ZNF587B: variants seen among roughly 807,000 people sequenced by gnomAD.
ZNF587B encodes zinc finger protein 587B.
Under a neutral mutation model 7.2 loss-of-function variants are expected in ZNF587B, and 6 were observed. The observed-to-expected ratio is 0.83, with a 90% CI of 0.46 to 1.65. The LOEUF is 1.65. Among genes scored for constraint, ZNF587B ranks in the 40% most tolerant of loss-of-function variants. ZNF587B has a pLI of 0.01. For synonymous variants in ZNF587B, 274 were observed against 254.3 expected (o/e 1.08, Z -0.74); for missense variants, 749 against 761.0 (o/e 0.98, Z 0.19).
At position 57,840,983 on chromosome 19, in the gene ZNF587B, C is replaced by A; in HGVS notation, c.309C>A (p.Asp103Glu). 6.3e-7 allele frequency: 1 copy of A among 1,598,316 alleles called. No homozygotes were observed. The highest frequency in any genetic ancestry group is 8.5e-7 in the Non-Finnish European group (1 of 1,171,000). Residue 103 changes from aspartate (D) to glutamate (E), a missense_variant, in exon 3 of 3, where the codon GAC becomes GAA. Asp to Glu is a conservative substitution (Grantham distance 45). Transcript: ENST00000594901. ...AGATGTGTGGCCCGATCTTGGGAGA[C>A]ATTTTGCATGTGGCAGATCATCAGG... ...PCEMCGPILG[D>E]ILHVADHQGT... is the part of the protein sequence containing the mutation.
At position 57,841,232 on chromosome 19, in the gene ZNF587B, C is replaced by T. The variant is rs1408009909; in HGVS notation, c.558C>T (p.Leu186=). Residue 186 remains leucine, a synonymous_variant, in exon 3 of 3, where the codon CTC becomes CTT. Coordinates refer to ENST00000594901, the MANE Select transcript of ZNF587B (RefSeq NM_001376223.1). The part of the protein sequence containing the change: ...GKDFLPRSGL[L]QQEASHTGEK... ...ACTTTTTGCCCAGGTCAGGATTACT[C>T]CAGCAGGAGGCCAGTCACACTGGGG... is the stretch of plus-strand genomic sequence containing the variant. 1 of 1,614,140 alleles carries T rather than the reference C, an allele frequency of 6.2e-7. No individual in the cohort carries two copies. Among genetic ancestry groups the T allele is most frequent in the East Asian group, 2.2e-5 (1 of 44,886 alleles).
rs1407056725 is a variant in ZNF587B, at chr19:57,842,971, A to C, written c.*395A>C. ...GATGAGAAAAACACTGTAGATGTAT[A>C]GGTTAGATATATAGGGAATGTTATT... On this transcript the variant is annotated 3_prime_UTR_variant, in exon 3 of 3. Transcript: ENST00000594901. 1.0e-6 allele frequency: 1 copy of C among 985,152 alleles called. No individual in the cohort carries two copies. The highest frequency in any genetic ancestry group is 1.2e-6 in the Non-Finnish European group (1 of 829,838). The allele number at this position is 985,152 out of a possible 1,614,324, so 61.0% of individuals were successfully genotyped here.
In ZNF587B at chr19:57,843,567, G is replaced by C. The variant is rs60915609; in HGVS notation, c.*991G>C. The C allele has an allele frequency of 1.3e-6, 1 of 788,386 alleles. No homozygotes were observed. Among genetic ancestry groups the C allele is most frequent in the African/African-American group, 2.9e-5 (1 of 33,950 alleles). 48.8% of individuals were successfully genotyped at this position (788,386 alleles called of 1,614,324 possible). A position where few individuals can be genotyped will look rare whatever the true frequency, so the allele number is the denominator to read the frequency against. On this transcript the variant is annotated 3_prime_UTR_variant, in exon 3 of 3. Coordinates refer to ENST00000594901, the MANE Select transcript of ZNF587B (RefSeq NM_001376223.1). ...ATTTTTTTTTTAAGTTTTTTGTTTG[G>C]TTGGTTGGTTGGTTGGTTGGTTGTT...
intron 1 of ZNF587B, among the ~76,000 whole-genome samples, chr19:57,837,861 A>T (rs1264546060): frequency 6.6e-6 from 1 of 152,082 alleles, no homozygotes; most frequent in Non-Finnish European, 1.5e-5. Context: ...CTGGTACTAC[A>T]GGTGCGAGCC....
intron 1 of ZNF587B, among the ~76,000 whole-genome samples, chr19:57,834,714 A>G (rs1173813045): frequency 2.1e-5 from 2 of 94,132 alleles, no homozygotes; most frequent in African/African-American, 7.9e-5. Context: ...GGTGCCTGTA[A>G]TCCCAGCTAC....
At chr19:57,838,182 C>T (rs768784092) in intron 1 of ZNF587B, among the ~76,000 whole-genome samples, 2 of 151,786 alleles carry the variant, frequency 1.3e-5, no homozygotes, top group Non-Finnish European at 2.9e-5. Flanking sequence ...TGGTGCACAC[C>T]TGTAATCCCA....
chr19:57,830,627 G>GC (rs1883312209), intron 1 of ZNF587B, 63 bp downstream of exon 1: 1 of 1,530,578 alleles, frequency 6.5e-7, no homozygotes, highest in Admixed American at 2.0e-5. Context: ...CTGTAGTCTT[G>GC]CAAGGAAGAG....
Position 57,841,017 on chromosome 19 carries a change from C to T in ZNF587B, c.343C>T (p.His115Tyr), listed in dbSNP as rs763094007. ...LHVADHQGTH[H>Y]KQKLHRCEAW... is the part of the protein sequence containing the mutation. ...TGTGGCAGATCATCAGGGAACACATCACAAGCAGAAACTGCACAGGTGTGA... is the reference window on the plus strand; with the variant it reads ...TGTGGCAGATCATCAGGGAACACATTACAAGCAGAAACTGCACAGGTGTGA... The change falls in exon 3 of 3, where the codon CAC (histidine) becomes TAC (tyrosine). Residue 115 changes from histidine to tyrosine, a missense_variant. His to Tyr is a moderately conservative substitution (Grantham distance 83). Around this residue, in one of 3 missense-constraint regions of ZNF587B, gnomAD observed 72 missense variants for 147.8 expected, o/e 0.49. Coordinates refer to ENST00000594901, the MANE Select transcript of ZNF587B (RefSeq NM_001376223.1). 1.9e-6 allele frequency: 3 copies of T among 1,608,460 alleles called. No individual in the cohort carries two copies. In the South Asian group the frequency reaches 3.3e-5, roughly 18 times the overall value.
intron 1 of ZNF587B, among the ~76,000 whole-genome samples, chr19:57,836,878 G>C (rs1305804016): frequency 6.7e-6 from 1 of 150,098 alleles, no homozygotes. Flanking sequence ...CAAGAGAATT[G>C]CTTGAACCCA....
At chr19:57,831,007 T>C (rs1195762013) in intron 1 of ZNF587B, among the ~76,000 whole-genome samples, 2 of 152,190 alleles carry the variant, frequency 1.3e-5, no homozygotes, top group South Asian at 2.1e-4. Flanking sequence ...CAGTTCCAGG[T>C]GCAGGGGCTT....
rs1195098519 is a variant in ZNF587B, at chr19:57,842,105, G to A, written c.1431G>A (p.Lys477=). 7 of 1,603,132 alleles carry A rather than the reference G, an allele frequency of 4.4e-6. No individual in the cohort carries two copies. In the African/African-American group the frequency reaches 8.0e-5, roughly 18 times the overall value. ...MCWECGKLFK[K]KSHLLVHQRI... is the part of the protein sequence containing the mutation. ...GGGAATGTGGAAAATTATTTAAGAA[G>A]AAGTCTCACCTCCTTGTACACCAGA... Residue 477 remains lysine (K), a synonymous_variant, in exon 3 of 3, where the codon AAG becomes AAA. Transcript: ENST00000594901.
chr19:57,844,351 A>C lies in ZNF587B; in HGVS notation c.*1775A>C. 3.6e-6 allele frequency: 1 copy of C among 281,050 alleles called. No individual in the cohort carries two copies. The highest frequency in any genetic ancestry group is 7.2e-6 in the Non-Finnish European group (1 of 138,848). The allele number at this position is 281,050 out of a possible 1,614,324, so 17.4% of individuals were successfully genotyped here. On this transcript the variant is annotated 3_prime_UTR_variant, in exon 3 of 3. Transcript: ENST00000594901. The stretch of plus-strand genomic sequence containing the variant: ...AATCCTGTCTCTTCTAAAAATATAA[A>C]AATTAGCCGGGCATGGTGGCGCACC...
chr19:57,834,780 G>A (rs1988538793), intron 1 of ZNF587B, among the ~76,000 whole-genome samples: 1 of 123,680 alleles, frequency 8.1e-6, no homozygotes, highest in Non-Finnish European at 1.7e-5. Context: ...CGGAGGCAGA[G>A]GTTGCAGTGA....
intron 1 of ZNF587B, 60 bp downstream of exon 1, chr19:57,830,624 C>T (rs1262473666): frequency 1.6e-5 from 24 of 1,534,836 alleles, no homozygotes; most frequent in Non-Finnish European, 1.9e-5. Context: ...AGCCTGTAGT[C>T]TTGCAAGGAA....
rs1191558599 is a variant in ZNF587B at position 57,841,100 on chromosome 19, C to T, written c.426C>T (p.His142=). 1 of 1,613,926 alleles carries T rather than the reference C, an allele frequency of 6.2e-7. No individual in the cohort carries two copies. The highest frequency in any genetic ancestry group is 8.5e-7 in the Non-Finnish European group (1 of 1,180,004). The change falls in exon 3 of 3, where the codon CAC becomes CAT. Residue 142 remains histidine (H), a synonymous_variant. Coordinates refer to ENST00000594901, the MANE Select transcript of ZNF587B (RefSeq NM_001376223.1). ...ACTTTCATCAGCACCAGAATGAGCA[C>T]ATTGGAGAGAAACCCTACAGAGGGA... ...SGNFHQHQNE[H]IGEKPYRGSV...
rs1011093219 is a variant in ZNF587B, at chr19:57,843,515, A to G, written c.*939A>G. The G allele has an allele frequency of 4.4e-5, 43 of 969,926 alleles. No individual in the cohort carries two copies. The African/African-American group carries it at 8.0e-4, about 18-fold the overall frequency. 60.1% of individuals were successfully genotyped at this position (969,926 alleles called of 1,614,324 possible). A position where few individuals can be genotyped will look rare whatever the true frequency, so the allele number is the denominator to read the frequency against. ...CACCTATTTCGTATTCTAGAAGTAT[A>G]TTTTGGTTGTCTCCCATTCACGAGA... On this transcript the variant is annotated 3_prime_UTR_variant, in exon 3 of 3. Coordinates refer to ENST00000594901, the MANE Select transcript of ZNF587B (RefSeq NM_001376223.1).
rs774635301 is a variant in ZNF587B at position 57,840,075 on chromosome 19, C to CAAAAAAA, written c.164-732_164-726dup. ...GGGCAACAGAGCGAGACTCTGTCTC[C>CAAAAAAA]AAAAAAAAAAAAAAAAAAAAAAAAA... On this transcript the variant is annotated intron_variant, in intron 2 of 2. Coordinates refer to ENST00000594901, the MANE Select transcript of ZNF587B (RefSeq NM_001376223.1). Among the ~76,000 whole-genome samples the CAAAAAAA allele has an allele frequency of 2.1e-4, 17 of 81,108 alleles. 3 individuals carry two copies. Among genetic ancestry groups the CAAAAAAA allele is most frequent in the Admixed American group, 2.9e-4 (2 of 7,006 alleles). The allele number at this position is 81,108 out of a possible 152,430, so 53.2% of individuals were successfully genotyped here.
chr19:57,831,917 C>T (rs563307931), intron 1 of ZNF587B, among the ~76,000 whole-genome samples: 2 of 147,962 alleles, frequency 1.4e-5, no homozygotes, highest in Non-Finnish European at 3.0e-5. Flanking sequence ...TGTTGCCTAG[C>T]CTGGTTTCGA....
At chr19:57,840,769 C>T (rs1988809382) in intron 2 of ZNF587B, 69 bp from the exon 3 acceptor site, 3 of 1,605,310 alleles carry the variant, frequency 1.9e-6, no homozygotes, top group Admixed American at 1.7e-5. Flanking sequence ...TTTTCACATA[C>T]ACTTGTGGGT....
Sources: allele counts gnomAD v4.1 joint callset (sites outside exome capture counted in the v4.1 genomes callset), GRCh38; gene constraint gnomAD v4.1.1; regional missense constraint gnomAD v4.1.1; transcripts MANE v1.5; gene names NCBI Gene and HGNC (gene_info 2026-07-23, HGNC 2026-07-21).